The following CHODL variants were observed in gnomAD, a reference collection of about 807,000 sequenced individuals.
CHODL encodes the protein transmembrane protein MT75.
In CHODL, 29 loss-of-function variants were observed where a neutral mutation model predicts 34.5. The ratio of observed to expected loss-of-function variants is 0.84; its 90% CI spans 0.63 to 1.15. The LOEUF is 1.15. Ranked by LOEUF, CHODL falls within the 50% of genes most tolerant of loss-of-function variation. The pLI is 0.00. For synonymous variants in CHODL, 125 were observed against 116.1 expected, an observed-to-expected ratio of 1.08 and a Z score of -0.49; for missense variants, 332 against 332.5, an observed-to-expected ratio of 1.00 and a Z score of 0.01.
At chr21:17,965,644 G>A (rs115868774) in intron 1 of CHODL, among the ~76,000 whole-genome samples, 82 of 152,128 alleles carry the variant, frequency 5.4e-4, no homozygotes, top group African/African-American at 1.5e-3. Context: ...ATGATTTCAC[G>A]TCACTTTCTT....
At chr21:18,086,473 A>G (rs2065009029) in intron 2 of CHODL, among the ~76,000 whole-genome samples, 1 of 152,112 alleles carries the variant, frequency 6.6e-6, no homozygotes, top group Admixed American at 6.6e-5. Context: ...CATCTGGTAT[A>G]GCAGTTACAA....
At chr21:17,949,679 T>A (rs2063440318) in intron 1 of CHODL, among the ~76,000 whole-genome samples, 1 of 152,196 alleles carries the variant, frequency 6.6e-6, no homozygotes, top group Admixed American at 6.5e-5. Flanking sequence ...ATTGTAAAAG[T>A]AAATGTTATA....
chr21:18,118,945 T>C (rs1306004829), intron 2 of CHODL, among the ~76,000 whole-genome samples: 1 of 152,196 alleles, frequency 6.6e-6, no homozygotes, highest in Admixed American at 6.6e-5. Flanking sequence ...CCAAGCCAGA[T>C]GGAAGAGTCA....
chr21:17,968,094 A>G (rs17002246), intron 1 of CHODL, among the ~76,000 whole-genome samples: 5,630 of 152,288 alleles, frequency 0.037, 146 homozygotes, highest in South Asian at 0.096. Context: ...TCCTTAGGCC[A>G]TCTGCCTTTT....
At chr21:18,154,641 T>C (rs963400187) in intron 2 of CHODL, among the ~76,000 whole-genome samples, 1 of 152,176 alleles carries the variant, frequency 6.6e-6, no homozygotes, top group African/African-American at 2.4e-5. Flanking sequence ...ATTCTAGAAC[T>C]TCCCTTCATA....
At chr21:18,002,833 C>T (rs918612288) in intron 1 of CHODL, among the ~76,000 whole-genome samples, 3 of 152,118 alleles carry the variant, frequency 2.0e-5, no homozygotes, top group African/African-American at 4.8e-5. Context: ...GGACAGAGTC[C>T]AAGAGCCCGG....
At chr21:18,193,601 C>T (rs1295591647) in intron 2 of CHODL, among the ~76,000 whole-genome samples, 1 of 151,076 alleles carries the variant, frequency 6.6e-6, no homozygotes, top group Non-Finnish European at 1.5e-5. Context: ...GAGGCTGAGG[C>T]AGGAGATTTG....
chr21:18,202,456 T>G (rs544683182), intron 2 of CHODL, among the ~76,000 whole-genome samples: 1 of 152,292 alleles, frequency 6.6e-6, no homozygotes, highest in Admixed American at 6.5e-5. Context: ...TCTCCACCCT[T>G]GGCACATGCA....
chr21:18,085,628 T>C (rs961455482), intron 2 of CHODL, among the ~76,000 whole-genome samples: 2 of 152,196 alleles, frequency 1.3e-5, no homozygotes, highest in Non-Finnish European at 2.9e-5. Context: ...TTTGGCAAGA[T>C]ACGCAATTCT....
intron 1 of CHODL, among the ~76,000 whole-genome samples, chr21:17,924,992 C>G (rs1029329510): frequency 1.3e-5 from 2 of 152,236 alleles, no homozygotes; most frequent in Admixed American, 6.5e-5. Flanking sequence ...TTAAGACATT[C>G]TAAAGGCAAA....
chr21:18,264,773 G>A (rs1225532960), intron 5 of CHODL, among the ~76,000 whole-genome samples: 1 of 152,062 alleles, frequency 6.6e-6, no homozygotes, highest in African/African-American at 2.4e-5. Context: ...CAAGGGTGAA[G>A]TTGTATCTCA....
intron 2 of CHODL, among the ~76,000 whole-genome samples, chr21:18,153,783 T>C (rs981014149): frequency 6.6e-6 from 1 of 152,130 alleles, no homozygotes; most frequent in East Asian, 1.9e-4. Flanking sequence ...CCCTTTTCTA[T>C]GAATAATATT....
chr21:18,128,191 C>G (rs1189465174), intron 2 of CHODL, among the ~76,000 whole-genome samples: 1 of 150,278 alleles, frequency 6.7e-6, no homozygotes, highest in Non-Finnish European at 1.5e-5. Flanking sequence ...GTCCCGGCTA[C>G]TAGGGAGGCC....
chr21:17,945,290 A>G (rs2063397965), intron 1 of CHODL, among the ~76,000 whole-genome samples: 1 of 152,044 alleles, frequency 6.6e-6, no homozygotes, highest in South Asian at 2.1e-4. Flanking sequence ...AAAAAAATTT[A>G]GAATAATACT....
At chr21:18,192,620 T>C (rs2073524576) in intron 2 of CHODL, among the ~76,000 whole-genome samples, 1 of 152,176 alleles carries the variant, frequency 6.6e-6, no homozygotes. Flanking sequence ...ATTTTGAAAA[T>C]GTATTTCCAA....
chr21:17,983,323 T>C (rs2063729180), intron 1 of CHODL, among the ~76,000 whole-genome samples: 1 of 152,218 alleles, frequency 6.6e-6, no homozygotes, highest in Admixed American at 6.5e-5. Flanking sequence ...AAAATATTAT[T>C]TGTAGATGTT....
chr21:18,150,809 G>T (rs542238084), intron 2 of CHODL, among the ~76,000 whole-genome samples: 1 of 151,946 alleles, frequency 6.6e-6, no homozygotes, highest in African/African-American at 2.4e-5. Context: ...TGACCTGGCC[G>T]GCATGGTGGC....
chr21:18,106,423 G>A (rs2065272486), intron 2 of CHODL, among the ~76,000 whole-genome samples: 1 of 152,214 alleles, frequency 6.6e-6, no homozygotes, highest in Middle Eastern at 3.4e-3. Flanking sequence ...CACTGGCACA[G>A]CATAAAGAGC....
At chr21:18,075,160 C>G (rs158028) in intron 2 of CHODL, among the ~76,000 whole-genome samples, 59,959 of 151,964 alleles carry the variant, frequency 0.39, 13,212 homozygotes, top group East Asian at 0.95. Context: ...GCAGGAAATT[C>G]ATTCTTTAAT....
Sources: allele counts gnomAD v4.1 joint callset (sites outside exome capture counted in the v4.1 genomes callset), GRCh38; gene constraint gnomAD v4.1.1; transcripts MANE v1.5; gene names NCBI Gene and HGNC (gene_info 2026-07-23, HGNC 2026-07-21).